TYSND1: variants seen among roughly 807,000 people sequenced by gnomAD.
TYSND1 encodes the protein peroxisomal leader peptide-processing protease.
A neutral mutation model predicts 37.2 loss-of-function variants in TYSND1; 30 were observed. That is an observed-to-expected ratio of 0.81 (90% CI 0.60 to 1.09). The LOEUF (loss-of-function observed/expected upper bound fraction) is 1.09. Among genes scored for constraint, TYSND1 ranks in the 50% least tolerant of loss-of-function variants. The pLI, the probability that TYSND1 is intolerant of heterozygous loss-of-function variation, is 0.00. For synonymous variants in TYSND1, 364 were observed against 383.8 expected (o/e 0.95, Z 0.60); for missense variants, 806 against 817.4 (o/e 0.99, Z 0.17).
Position 70,145,442 on chromosome 10 carries a change from A to G in TYSND1, c.1145T>C (p.Leu382Pro). The change falls in exon 1 of 4, where the codon CTG becomes CCG. Residue 382 changes from leucine (L) to proline (P), a missense_variant. Transcript: ENST00000287078. ...TTACTTGGGGGTGGTGGAGCGCACC[A>G]GGACCCTGGCTGCTTCCCGAGGGGA... ...HVSPREAARV[L>P]VRSTTPKSVA... The G allele has an allele frequency of 6.8e-7, 1 of 1,461,016 alleles. No homozygotes were observed. The highest frequency in any genetic ancestry group is 1.4e-5 in the South Asian group (1 of 69,162). 90.5% of individuals were successfully genotyped at this position (1,461,016 alleles called of 1,614,324 possible).
chr10:70,143,737 C>G, intron 2 of TYSND1, 105 bp downstream of exon 2: 1 of 1,430,134 alleles, frequency 7.0e-7, no homozygotes, highest in Non-Finnish European at 9.5e-7. Flanking sequence ...GGACCTTGAC[C>G]AATGCTACCC....
chr10:70,141,268 T>C (rs974757492), intron 3 of TYSND1, among the ~76,000 whole-genome samples: 6 of 147,172 alleles, frequency 4.1e-5, no homozygotes, highest in African/African-American at 1.5e-4. Flanking sequence ...AAATAAACAC[T>C]GTTTATTTTT....
chr10:70,139,809 G>T lies in TYSND1; in HGVS notation c.*115C>A. On this transcript the variant is annotated 3_prime_UTR_variant, in exon 4 of 4. Transcript: ENST00000287078. Reference sequence around the variant, plus strand: ...CTGCAGTCAGTGGGTGGAGATGAGAGGCAGCCTGGGCCCCTGCAGGGGCTG... The same window carrying T: ...CTGCAGTCAGTGGGTGGAGATGAGATGCAGCCTGGGCCCCTGCAGGGGCTG... 9.6e-7 allele frequency: 1 copy of T among 1,037,638 alleles called. No individual in the cohort carries two copies. The highest frequency in any genetic ancestry group is 1.4e-6 in the Non-Finnish European group (1 of 718,342). 64.3% of individuals were successfully genotyped at this position (1,037,638 alleles called of 1,614,324 possible).
At chr10:70,144,502 G>T (rs2072844829) in intron 1 of TYSND1, 1 of 988,590 alleles carries the variant, frequency 1.0e-6, no homozygotes, top group African/African-American at 1.7e-5. Context: ...CACTTCTGTA[G>T]CACACGACGT....
rs948709973 is a variant in TYSND1 at position 70,146,059 on chromosome 10, C to T, written c.528G>A (p.Ala176=). Residue 176 remains alanine, a synonymous_variant, in exon 1 of 4, where the codon GCG becomes GCA. Coordinates refer to ENST00000287078, the MANE Select transcript of TYSND1 (RefSeq NM_173555.4). The part of the protein sequence containing the change: ...RDDEVSEDEE[A]DQLRALGWFA... Reference sequence around the variant, plus strand: ...ACCAGCCCAGCGCTCTCAGTTGATCCGCCTCCTCGTCCTCCGACACTTCGT... The same window carrying T: ...ACCAGCCCAGCGCTCTCAGTTGATCTGCCTCCTCGTCCTCCGACACTTCGT... 6.3e-6 allele frequency: 10 copies of T among 1,594,420 alleles called. 1 individual carries two copies. The highest frequency in any genetic ancestry group is 1.7e-4 in the Middle Eastern group (1 of 6,060).
chr10:70,140,505 TTGAA>T (rs10524341), intron 3 of TYSND1, among the ~76,000 whole-genome samples: 13,854 of 150,634 alleles, frequency 0.092, 799 homozygotes, highest in East Asian at 0.23. Context: ...CAAAGGCTTG[TTGAA>T]TGAATGAATG....
intron 3 of TYSND1, among the ~76,000 whole-genome samples, chr10:70,141,141 T>C (rs2072765534): frequency 1.3e-5 from 2 of 151,948 alleles, no homozygotes. Context: ...GGCCTCACTA[T>C]GGTTGTCCAG....
rs1189871322 is a variant in TYSND1, at chr10:70,145,614, G to A, written c.973C>T (p.Pro325Ser). Reference protein sequence around the residue: ...HSTAALAALLPPEVGVPWGLP... With the variant: ...HSTAALAALLSPEVGVPWGLP... ...CCCCACGGGACGCCCACCTCTGGCG[G>A]CAGAAGGGCGGCCAGGGCAGCGGTG... Residue 325 changes from proline to serine, a missense_variant, in exon 1 of 4, where the codon CCG becomes TCG. Coordinates refer to ENST00000287078, the MANE Select transcript of TYSND1 (RefSeq NM_173555.4). The A allele has an allele frequency of 9.8e-6, 14 of 1,435,244 alleles. No homozygotes were observed. The Middle Eastern group carries it at 6.7e-4, about 69-fold the overall frequency. The allele number at this position is 1,435,244 out of a possible 1,614,324, so 88.9% of individuals were successfully genotyped here.
intron 2 of TYSND1, 75 bp from the exon 3 acceptor site, chr10:70,142,928 C>T: frequency 1.3e-6 from 2 of 1,506,244 alleles, no homozygotes; most frequent in Non-Finnish European, 1.8e-6. Context: ...AACTCCCATC[C>T]CTACCCTCTC....
At position 70,139,912 on chromosome 10, in the gene TYSND1, G is replaced by A. The variant is rs756757452; in HGVS notation, c.*12C>T. 6.2e-7 allele frequency: 1 copy of A among 1,608,752 alleles called. No individual in the cohort carries two copies. Among genetic ancestry groups the A allele is most frequent in the African/African-American group, 1.3e-5 (1 of 74,820 alleles). On this transcript the variant is annotated 3_prime_UTR_variant, in exon 4 of 4. Transcript: ENST00000287078. ...AAAGGTCACTCTTCTTTCCAAAGGT[G>A]GTAACACAGCCTCAGAGCTTGCTCC...
chr10:70,140,240 G>T, intron 3 of TYSND1, 99 bp from the exon 4 acceptor site: 1 of 1,002,816 alleles, frequency 1.0e-6, no homozygotes, highest in Non-Finnish European at 1.5e-6. Flanking sequence ...CCCAGGGCCT[G>T]GTAGGGCTGG....
chr10:70,146,688 C>T lies in TYSND1; in HGVS notation c.-102G>A. ...TGAAGCTGCCTAGCGCCACCCACAG[C>T]TGGAAGCGAGAGGCGCAAGCTCTGA... On this transcript the variant is annotated 5_prime_UTR_variant, in exon 1 of 4. Coordinates refer to ENST00000287078, the MANE Select transcript of TYSND1 (RefSeq NM_173555.4). 1 of 1,233,826 alleles carries T rather than the reference C, an allele frequency of 8.1e-7. No homozygotes were observed. The highest frequency in any genetic ancestry group is 1.7e-5 in the South Asian group (1 of 58,806). 76.4% of individuals were successfully genotyped at this position (1,233,826 alleles called of 1,614,324 possible).
Position 70,145,771 on chromosome 10 carries a change from C to T in TYSND1, c.816G>A (p.Ala272=). Reference sequence around the variant, plus strand: ...CCACCACCAGCGCCACCAGCGCCCCCGCGGGCCGCGCGGTGAACACGCCGC... The same window carrying T: ...CCACCACCAGCGCCACCAGCGCCCCTGCGGGCCGCGCGGTGAACACGCCGC... ...EGGGVFTARP[A]GALVALVVAP... is the part of the protein sequence containing the mutation. The change falls in exon 1 of 4, where the codon GCG becomes GCA. Residue 272 remains alanine, a synonymous_variant. Coordinates refer to ENST00000287078, the MANE Select transcript of TYSND1 (RefSeq NM_173555.4). 1 of 1,452,750 alleles carries T rather than the reference C, an allele frequency of 6.9e-7. No homozygotes were observed. The highest frequency in any genetic ancestry group is 9.0e-7 in the Non-Finnish European group (1 of 1,112,106). The allele number at this position is 1,452,750 out of a possible 1,614,324, so 90.0% of individuals were successfully genotyped here. A position where few individuals can be genotyped will look rare whatever the true frequency, so the allele number is the denominator to read the frequency against.
In TYSND1 at chr10:70,145,908, C is replaced by T. The variant is rs1234446972; in HGVS notation, c.679G>A (p.Gly227Ser). The T allele has an allele frequency of 6.5e-7, 1 of 1,548,954 alleles. No homozygotes were observed. Among genetic ancestry groups the T allele is most frequent in the South Asian group, 1.2e-5 (1 of 84,038 alleles). Residue 227 changes from glycine (G) to serine (S), a missense_variant, in exon 1 of 4, where the codon GGC (glycine) becomes AGC (serine). Physicochemically the swap from Gly to Ser is moderately conservative, Grantham distance 56. Around this residue, in one of 3 missense-constraint regions of TYSND1, gnomAD observed 708 missense variants for 705.4 expected, o/e 1.00. Transcript: ENST00000287078. ...AGAAAGATGTCGGGGCAGAAGGCGC[C>T]GAAAGGGGAGCCGCAGACCAGCAAT... Reference protein sequence around the residue: ...APLLVCGSPFGAFCPDIFLNT... With the variant: ...APLLVCGSPFSAFCPDIFLNT...
At position 70,143,774 on chromosome 10, in the gene TYSND1, A is replaced by G. The variant is rs1564563251; in HGVS notation, c.1297+68T>C. On this transcript the variant is annotated intron_variant, in intron 2 of 3. Transcript: ENST00000287078. ...GACTTCATGAGAATGCCCAACACTGATTCTCCTTCCTGAGGCCCACCCTAG... is the reference window on the plus strand; with the variant it reads ...GACTTCATGAGAATGCCCAACACTGGTTCTCCTTCCTGAGGCCCACCCTAG... 1.9e-6 allele frequency: 3 copies of G among 1,588,308 alleles called. No homozygotes were observed. In the East Asian group the frequency reaches 6.7e-5, roughly 36 times the overall value.
At chr10:70,143,208 A>T (rs1228701646) in intron 2 of TYSND1, among the ~76,000 whole-genome samples, 1 of 152,240 alleles carries the variant, frequency 6.6e-6, no homozygotes, top group Non-Finnish European at 1.5e-5. Flanking sequence ...GGAACTCCTA[A>T]GAAGTCTCTT....
At position 70,145,933 on chromosome 10, in the gene TYSND1, T is replaced by G. The variant is rs1322301264; in HGVS notation, c.654A>C (p.Pro218=). Residue 218 remains proline, a synonymous_variant, in exon 1 of 4, where the codon CCA becomes CCC. Transcript: ENST00000287078. ...CGAAAGGGGAGCCGCAGACCAGCAATGGCGCACCCTTGGGCACGGCCCCGA... is the reference window on the plus strand; with the variant it reads ...CGAAAGGGGAGCCGCAGACCAGCAAGGGCGCACCCTTGGGCACGGCCCCGA... ...SPLGAVPKGA[P]LLVCGSPFGA... is the part of the protein sequence containing the mutation. 6.4e-7 allele frequency: 1 copy of G among 1,553,156 alleles called. No individual in the cohort carries two copies. Among genetic ancestry groups the G allele is most frequent in the Non-Finnish European group, 8.7e-7 (1 of 1,149,330 alleles).
Position 70,146,598 on chromosome 10 carries a change from C to T in TYSND1, c.-12G>A. 1.3e-6 allele frequency: 2 copies of T among 1,513,502 alleles called. No individual in the cohort carries two copies. Among genetic ancestry groups the T allele is most frequent in the Middle Eastern group, 1.9e-4 (1 of 5,358 alleles). 93.8% of individuals were successfully genotyped at this position (1,513,502 alleles called of 1,614,324 possible). On this transcript the variant is annotated 5_prime_UTR_variant, in exon 1 of 4. Transcript: ENST00000287078. ...CACTGCCTTCTCATGGCCTCTAGGC[C>T]GGACACTCGGGAGCTTCTCCGAGAA...
intron 3 of TYSND1, among the ~76,000 whole-genome samples, chr10:70,140,504 GTTGAATGAATGA>G (rs2072749835): frequency 8.5e-6 from 1 of 117,846 alleles, no homozygotes; most frequent in Non-Finnish European, 1.7e-5. Context: ...ACAAAGGCTT[GTTGAATGAATGA>G]ATGAATGAAT....
Sources: gnomAD v4.1 joint callset for allele counts (sites outside exome capture counted in the v4.1 genomes callset) on GRCh38, gnomAD v4.1.1 for gene constraint, gnomAD v4.1.1 regional missense constraint, MANE v1.5 for transcripts, NCBI Gene and HGNC (gene_info 2026-07-23, HGNC 2026-07-21) for gene names.